SCAI: variants seen among roughly 807,000 people sequenced by gnomAD.
SCAI encodes protein SCAI.
Under a neutral mutation model 92.2 loss-of-function variants are expected in SCAI, and 24 were observed. The observed-to-expected ratio is 0.26, with a 90% CI of 0.19 to 0.37. The LOEUF is 0.37. SCAI is among the 10% of genes least tolerant of loss of function. The probability of loss-of-function intolerance (pLI) is 1.00; values close to 1 mark genes in which losing one functional copy is unlikely to be tolerated. For missense variants in SCAI, 450 were observed against 736.2 expected (o/e 0.61, Z 4.50); for synonymous variants, 261 against 258.6 (o/e 1.01, Z -0.09).
At position 125,042,810 on chromosome 9, in the gene SCAI, G is replaced by A. The variant is rs1380247790; in HGVS notation, c.230+13066C>T. Among the ~76,000 whole-genome samples, 6 of 145,176 alleles carry A rather than the reference G, an allele frequency of 4.1e-5. No homozygotes were observed. In the South Asian group the frequency reaches 8.8e-4, roughly 21 times the overall value. The stretch of plus-strand genomic sequence containing the variant: ...TGGAATAACCACCTAGATTTTGTAC[G>A]CAAGTAAAGTTGTTAGTTCTTTTCT... On this transcript the variant is annotated intron_variant, in intron 3 of 17. Transcript: ENST00000336505.
At chr9:125,070,216 T>C (rs1251326514) in intron 2 of SCAI, among the ~76,000 whole-genome samples, 1 of 152,154 alleles carries the variant, frequency 6.6e-6, no homozygotes, top group African/African-American at 2.4e-5. Flanking sequence ...GTGATGATGA[T>C]GGTTTTGCCA....
intron 15 of SCAI, 60 bp from the exon 16 acceptor site, chr9:124,971,904 T>A: frequency 1.0e-6 from 1 of 958,042 alleles, no homozygotes; most frequent in Non-Finnish European, 1.5e-6. Context: ...AAGAGATACA[T>A]ATGAGGAACA....
intron 12 of SCAI, among the ~76,000 whole-genome samples, chr9:125,001,648 C>A (rs1832364198): frequency 6.6e-6 from 1 of 152,152 alleles, no homozygotes; most frequent in Non-Finnish European, 1.5e-5. Context: ...TTCCATCATC[C>A]TTTTCAACTT....
Position 124,996,487 on chromosome 9 carries a change from G to A in SCAI, c.1245-1472C>T, listed in dbSNP as rs181174848. 3.2e-4 allele frequency among the ~76,000 whole-genome samples: 48 copies of A among 151,978 alleles called. No homozygotes were observed. The East Asian group carries it at 9.1e-3, about 29-fold the overall frequency. ...TGGCTCATTTTTTACATTTTTAGTA[G>A]AGACAAGATCCTCTTATGTTGCCAA... On this transcript the variant is annotated intron_variant, in intron 13 of 17. Transcript: ENST00000336505.
intron 3 of SCAI, among the ~76,000 whole-genome samples, chr9:125,050,379 C>T (rs1410149602): frequency 5.3e-5 from 8 of 152,050 alleles, no homozygotes; most frequent in African/African-American, 1.9e-4. Context: ...CATCAACACT[C>T]GAAAGAAAAG....
intron 2 of SCAI, among the ~76,000 whole-genome samples, chr9:125,056,323 G>A (rs531337259): frequency 1.0e-3 from 155 of 152,124 alleles, no homozygotes; most frequent in Non-Finnish European, 1.9e-3. Context: ...AAAATTAGCC[G>A]GGCGTGGTGG....
chr9:125,016,635 T>A (rs750766238), intron 9 of SCAI, among the ~76,000 whole-genome samples: 12 of 152,096 alleles, frequency 7.9e-5, no homozygotes, highest in Non-Finnish European at 1.6e-4. Context: ...TATTTGAACA[T>A]CAGATTTATG....
intron 2 of SCAI, among the ~76,000 whole-genome samples, chr9:125,077,414 T>C (rs2131174321): frequency 6.6e-6 from 1 of 152,386 alleles, no homozygotes; most frequent in Admixed American, 6.5e-5. Flanking sequence ...TACAAATATT[T>C]GCCTACAAGA....
chr9:125,037,889 C>A (rs1833233754), intron 3 of SCAI, among the ~76,000 whole-genome samples: 1 of 151,798 alleles, frequency 6.6e-6, no homozygotes, highest in African/African-American at 2.4e-5. Context: ...GCACTCCAGC[C>A]TGGGCGACGA....
chr9:125,004,924 G>T (rs1421341468), intron 9 of SCAI, among the ~76,000 whole-genome samples: 1 of 149,306 alleles, frequency 6.7e-6, no homozygotes, highest in Non-Finnish European at 1.5e-5. Context: ...GAGTAGCTGG[G>T]ATTATGGGCA....
Position 124,999,970 on chromosome 9 carries a change from C to T in SCAI, c.1165G>A (p.Val389Ile), listed in dbSNP as rs759147578. Residue 389 changes from valine to isoleucine, a missense_variant, in exon 13 of 18, where the codon GTA becomes ATA. Coordinates refer to ENST00000336505, the MANE Select transcript of SCAI (RefSeq NM_001144877.3). ...ATATCCCGGTTACTATTAGTAAGTA[C>T]ACCTCCAAAATCATAAGGACCTATA... is the stretch of plus-strand genomic sequence containing the variant. ...DSEGPYDFGGVLTNSNRDIIN... is the reference protein window; with the variant it reads ...DSEGPYDFGGILTNSNRDIIN... The T allele has an allele frequency of 1.2e-5, 19 of 1,578,156 alleles. No individual in the cohort carries two copies. Among genetic ancestry groups the T allele is most frequent in the Middle Eastern group, 1.7e-4 (1 of 6,014 alleles).
intron 14 of SCAI, among the ~76,000 whole-genome samples, chr9:124,982,036 A>G (rs1007069966): frequency 1.2e-4 from 19 of 152,282 alleles, no homozygotes; most frequent in Admixed American, 7.2e-4. Flanking sequence ...TATTTTATTT[A>G]AATTCTTCTA....
At position 124,943,433 on chromosome 9, in the gene SCAI, T is replaced by A. The variant is rs1453180284; in HGVS notation, c.*9374A>T. The A allele has an allele frequency of 1.3e-5, 2 of 152,196 alleles. No homozygotes were observed. Among genetic ancestry groups the A allele is most frequent in the African/African-American group, 2.4e-5 (1 of 41,442 alleles). The allele number at this position is 152,196 out of a possible 1,614,324, so 9.4% of individuals were successfully genotyped here. A position where few individuals can be genotyped will look rare whatever the true frequency, so the allele number is the denominator to read the frequency against. On this transcript the variant is annotated 3_prime_UTR_variant, in exon 18 of 18. Coordinates refer to ENST00000336505, the MANE Select transcript of SCAI (RefSeq NM_001144877.3). ...GTGAATAGCTAAATAGGCAACCAAA[T>A]AGCTTCATTATTTGCACGACAGATT...
In SCAI at chr9:125,101,297, G is replaced by C. The variant is rs889579183; in HGVS notation, c.98+41336C>G. ...AGGATCTCACTGGCTACTGTATTGG[G>C]AGACAAGAACGGAAGCAGGGAAGCC... On this transcript the variant is annotated intron_variant, in intron 2 of 17. Coordinates refer to ENST00000336505, the MANE Select transcript of SCAI (RefSeq NM_001144877.3). Among the ~76,000 whole-genome samples the C allele has an allele frequency of 2.6e-5, 4 of 152,324 alleles. No homozygotes were observed. In the East Asian group the frequency reaches 7.7e-4, roughly 29 times the overall value.
intron 17 of SCAI, among the ~76,000 whole-genome samples, chr9:124,969,539 T>C (rs1226552590): frequency 6.6e-6 from 1 of 152,162 alleles, no homozygotes; most frequent in Non-Finnish European, 1.5e-5. Context: ...GAGAAGTTGC[T>C]CAACCTTAAC....
intron 2 of SCAI, among the ~76,000 whole-genome samples, chr9:125,075,727 G>A (rs894214971): frequency 3.9e-5 from 6 of 152,016 alleles, no homozygotes; most frequent in Non-Finnish European, 5.9e-5. Flanking sequence ...CACCATGCCC[G>A]GCTAGTTTTG....
At chr9:125,046,202 T>G (rs1398590180) in intron 3 of SCAI, among the ~76,000 whole-genome samples, 6 of 124,358 alleles carry the variant, frequency 4.8e-5, no homozygotes, top group South Asian at 2.7e-4. Context: ...GTGAGATATA[T>G]ATATATATAT....
intron 5 of SCAI, among the ~76,000 whole-genome samples, chr9:125,027,978 T>C (rs373798989): frequency 5.3e-5 from 8 of 152,210 alleles, no homozygotes; most frequent in African/African-American, 1.9e-4. Flanking sequence ...TAATAAAAAA[T>C]ATCTTTCAAA....
In SCAI at chr9:125,109,403, CAGAG is replaced by C. The variant is rs965561753; in HGVS notation, c.98+33226_98+33229del. Among the ~76,000 whole-genome samples the C allele has an allele frequency of 2.6e-5, 4 of 151,748 alleles. No individual in the cohort carries two copies. The South Asian group carries it at 6.2e-4, about 24-fold the overall frequency. On this transcript the variant is annotated intron_variant, in intron 2 of 17. Transcript: ENST00000336505. The stretch of plus-strand genomic sequence containing the variant: ...ATAATAAAAGACAGGTCTCTGGTAA[CAGAG>C]AAAGAGGAGCTTACATTTGTTATTA...
Sources: allele counts gnomAD v4.1 joint callset (sites outside exome capture counted in the v4.1 genomes callset), GRCh38; gene constraint gnomAD v4.1.1; transcripts MANE v1.5; gene names NCBI Gene and HGNC (gene_info 2026-07-23, HGNC 2026-07-21).